The following MAF variants were observed in gnomAD, a reference collection of about 807,000 sequenced individuals.
The protein encoded by MAF is transcription factor Maf.
Under a neutral mutation model 22.0 loss-of-function variants are expected in MAF, and 10 were observed. The ratio of observed to expected loss-of-function variants is 0.45; its 90% confidence interval spans 0.28 to 0.77. MAF has a LOEUF of 0.77. Ranked by LOEUF, MAF falls within the 30% of genes least tolerant of loss-of-function variation. The probability of loss-of-function intolerance (pLI) is 0.12; values close to 1 mark genes in which losing one functional copy is unlikely to be tolerated. For synonymous variants in MAF, 337 were observed against 255.8 expected, an observed-to-expected ratio of 1.32 and a Z score of -3.03; for missense variants, 544 against 548.4, an observed-to-expected ratio of 0.99 and a Z score of 0.08.
the MAF span, among the ~76,000 whole-genome samples, chr16:79,335,905 T>C: frequency 6.6e-6 from 1 of 152,058 alleles, no homozygotes; most frequent in South Asian, 2.1e-4. Context: ...AGAGCCAGAG[T>C]TTGACCAGGA....
chr16:79,237,342 C>T, the MAF span, among the ~76,000 whole-genome samples: 80 of 152,172 alleles, frequency 5.3e-4, no homozygotes, highest in African/African-American at 1.9e-3. Flanking sequence ...ACATTAAAGC[C>T]TCATGGCGTT....
At chr16:79,527,931 CAGG>C in the MAF span, among the ~76,000 whole-genome samples, 1 of 152,058 alleles carries the variant, frequency 6.6e-6, no homozygotes, top group Admixed American at 6.6e-5. Context: ...CACTTGAGGC[CAGG>C]AGTTTAAGAC....
At chr16:79,269,868 C>A in the MAF span, among the ~76,000 whole-genome samples, 1 of 152,104 alleles carries the variant, frequency 6.6e-6, no homozygotes, top group African/African-American at 2.4e-5. Flanking sequence ...AGAGGTTTGG[C>A]CTTAGCTCCA....
chr16:79,398,010 G>A, the MAF span, among the ~76,000 whole-genome samples: 1 of 152,218 alleles, frequency 6.6e-6, no homozygotes, highest in African/African-American at 2.4e-5. Flanking sequence ...GAGATCAGAA[G>A]TCTGACCTGG....
the MAF span, among the ~76,000 whole-genome samples, chr16:79,307,571 A>G: frequency 6.6e-6 from 1 of 152,232 alleles, no homozygotes; most frequent in African/African-American, 2.4e-5. Context: ...ATGAGAAAAT[A>G]GTAGAGTTCA....
chr16:79,575,490 G>A, the MAF span, among the ~76,000 whole-genome samples: 4 of 152,310 alleles, frequency 2.6e-5, 1 homozygote, highest in Middle Eastern at 0.01. Flanking sequence ...CTGACCAAGA[G>A]GAGCCAATCA....
chr16:79,584,951 G>A (rs1478274537), downstream of MAF, among the ~76,000 whole-genome samples: 2 of 152,060 alleles, frequency 1.3e-5, no homozygotes, highest in African/African-American at 2.4e-5. Context: ...GATCCTTAAC[G>A]TACCTCCTTT....
chr16:79,366,555 C>A, the MAF span, among the ~76,000 whole-genome samples: 2 of 152,094 alleles, frequency 1.3e-5, no homozygotes, highest in Non-Finnish European at 2.9e-5. Context: ...CCTTACCATC[C>A]CTTGCAGTTA....
chr16:79,593,221 T>G (rs962464038), downstream of MAF, among the ~76,000 whole-genome samples: 1 of 152,174 alleles, frequency 6.6e-6, no homozygotes, highest in African/African-American at 2.4e-5. Context: ...GGAAGTAAGT[T>G]GGCCTAAACG....
At chr16:79,474,789 C>A in the MAF span, among the ~76,000 whole-genome samples, 9 of 152,134 alleles carry the variant, frequency 5.9e-5, no homozygotes, top group African/African-American at 2.2e-4. Context: ...CATCCCATGT[C>A]AGGAAATCAA....
chr16:79,574,986 G>T, the MAF span, among the ~76,000 whole-genome samples: 1 of 150,984 alleles, frequency 6.6e-6, no homozygotes, highest in Non-Finnish European at 1.5e-5. Flanking sequence ...TCTACTAGGA[G>T]TTCTCAATCC....
chr16:79,214,599 G>A, the MAF span, among the ~76,000 whole-genome samples: 3 of 149,560 alleles, frequency 2.0e-5, no homozygotes, highest in Admixed American at 2.0e-4. Context: ...TAGAGACGGG[G>A]TTTCACTATG....
the MAF span, among the ~76,000 whole-genome samples, chr16:79,503,207 T>A: frequency 6.6e-6 from 1 of 152,202 alleles, no homozygotes; most frequent in Non-Finnish European, 1.5e-5. Flanking sequence ...TGTTTCTCTT[T>A]GTTCAACAAC....
chr16:79,518,612 T>G, the MAF span, among the ~76,000 whole-genome samples: 6 of 152,370 alleles, frequency 3.9e-5, no homozygotes, highest in South Asian at 1.2e-3. Context: ...TTTCCACATC[T>G]GTGAAATGCT....
At chr16:79,312,184 A>G in the MAF span, among the ~76,000 whole-genome samples, 6 of 152,160 alleles carry the variant, frequency 3.9e-5, no homozygotes, top group African/African-American at 1.4e-4. Flanking sequence ...TTTAAAGGAA[A>G]ATAAATATGC....
At chr16:79,535,224 T>C in the MAF span, among the ~76,000 whole-genome samples, 4 of 152,136 alleles carry the variant, frequency 2.6e-5, no homozygotes, top group African/African-American at 9.7e-5. Flanking sequence ...TAGAGACAGA[T>C]GTAGACATTG....
At chr16:79,387,099 T>C in the MAF span, among the ~76,000 whole-genome samples, 49 of 152,318 alleles carry the variant, frequency 3.2e-4, no homozygotes, top group East Asian at 8.5e-3. Flanking sequence ...TTATTATTAT[T>C]ATCTTCTATT....
At chr16:79,591,139 C>T (rs577157496), downstream of MAF, among the ~76,000 whole-genome samples, 1 of 152,186 alleles carries the variant, frequency 6.6e-6, no homozygotes, top group East Asian at 1.9e-4. Context: ...ACGGAAAGGA[C>T]CAACCACAAG....
At chr16:79,502,710 T>TACATATAC in the MAF span, among the ~76,000 whole-genome samples, 1 of 16,596 alleles carries the variant, frequency 6.0e-5, no homozygotes, top group Non-Finnish European at 1.2e-4. Flanking sequence ...TAAATATAAA[T>TACATATAC]ATATATATAT....
Sources: allele counts gnomAD v4.1 joint callset (sites outside exome capture counted in the v4.1 genomes callset), GRCh38; gene constraint gnomAD v4.1.1; transcripts MANE v1.5; gene names NCBI Gene and HGNC (gene_info 2026-07-23, HGNC 2026-07-21).